Variants in CARMIL1 observed in about 807,000 individuals in gnomAD.
The protein encoded by CARMIL1 is capping protein regulator and myosin 1 linker 1.
A neutral mutation model predicts 177.1 loss-of-function variants in CARMIL1; 90 were observed. That is an observed-to-expected ratio of 0.51 (90% confidence interval 0.43 to 0.61). The LOEUF is 0.61. Among genes scored for constraint, CARMIL1 ranks in the 20% least tolerant of loss-of-function variants. The pLI, the probability that CARMIL1 is intolerant of heterozygous loss-of-function variation, is 0.00. For missense variants in CARMIL1, 1,380 were observed against 1,667.0 expected, an observed-to-expected ratio of 0.83 and a Z score of 3.00; for synonymous variants, 577 against 606.2, an observed-to-expected ratio of 0.95 and a Z score of 0.71.
At chr6:25,444,386 A>T (rs6918354) in intron 5 of CARMIL1, among the ~76,000 whole-genome samples, 117,855 of 148,810 alleles carry the variant, frequency 0.79, 46,829 homozygotes, top group East Asian at 0.86. Flanking sequence ...TTTTTTTTTT[A>T]AATTATATTT....
At chr6:25,553,822 G>A (rs1430350748) in intron 27 of CARMIL1, among the ~76,000 whole-genome samples, 187 bp from the exon 28 acceptor site, 1 of 152,154 alleles carries the variant, frequency 6.6e-6, no homozygotes, top group Non-Finnish European at 1.5e-5. Flanking sequence ...TCTATTACTT[G>A]TGTGTTTATG....
intron 2 of CARMIL1, among the ~76,000 whole-genome samples, chr6:25,337,801 A>G (rs1359517172): frequency 6.6e-6 from 1 of 152,234 alleles, no homozygotes; most frequent in African/African-American, 2.4e-5. Flanking sequence ...TGGACGTGAT[A>G]TAGTGAGGAG....
At chr6:25,368,703 C>T (rs1376169054) in intron 2 of CARMIL1, among the ~76,000 whole-genome samples, 1 of 152,178 alleles carries the variant, frequency 6.6e-6, no homozygotes, top group African/African-American at 2.4e-5. Context: ...CTGGAGTCCT[C>T]TTGTCTACCT....
chr6:25,371,658 A>G (rs1480616006), intron 2 of CARMIL1, among the ~76,000 whole-genome samples: 1 of 152,150 alleles, frequency 6.6e-6, no homozygotes, highest in African/African-American at 2.4e-5. Context: ...GATTGTGGGT[A>G]TTAGTTCTTT....
At chr6:25,377,296 A>G (rs112893414) in intron 2 of CARMIL1, among the ~76,000 whole-genome samples, 4,537 of 152,272 alleles carry the variant, frequency 0.03, 216 homozygotes, top group African/African-American at 0.1. Context: ...TGAGCCAAGC[A>G]TTGCAACTGT....
At chr6:25,318,794 G>T (rs1012897792) in intron 2 of CARMIL1, among the ~76,000 whole-genome samples, 2 of 152,156 alleles carry the variant, frequency 1.3e-5, no homozygotes, top group Admixed American at 1.3e-4. Context: ...CTGTCCTGGG[G>T]GGTCTGGATG....
At chr6:25,371,065 C>A (rs193197966) in intron 2 of CARMIL1, among the ~76,000 whole-genome samples, 1 of 152,264 alleles carries the variant, frequency 6.6e-6, no homozygotes. Flanking sequence ...TGGCCTCCAG[C>A]TCCATCCAAA....
chr6:25,585,945 T>C (rs1291527269), intron 31 of CARMIL1, among the ~76,000 whole-genome samples: 1 of 152,226 alleles, frequency 6.6e-6, no homozygotes. Context: ...TATGTCTACT[T>C]CTTTCTACAC....
intron 22 of CARMIL1, among the ~76,000 whole-genome samples, chr6:25,519,011 G>T (rs1031100974): frequency 6.6e-6 from 1 of 152,134 alleles, no homozygotes; most frequent in African/African-American, 2.4e-5. Context: ...CTTTCTCTTT[G>T]TCTGATTATT....
At chr6:25,321,308 G>A (rs193039980) in intron 2 of CARMIL1, among the ~76,000 whole-genome samples, 6 of 152,320 alleles carry the variant, frequency 3.9e-5, no homozygotes, top group African/African-American at 1.4e-4. Context: ...CTTTGCATTT[G>A]ACTTCTCAGA....
chr6:25,288,206 G>A (rs1334773592), intron 2 of CARMIL1, among the ~76,000 whole-genome samples: 1 of 152,144 alleles, frequency 6.6e-6, no homozygotes, highest in Admixed American at 6.6e-5. Flanking sequence ...CTGGACAAAG[G>A]GAACAGAATA....
chr6:25,435,315 T>A (rs1214225860), intron 4 of CARMIL1, among the ~76,000 whole-genome samples, 168 bp from the exon 5 acceptor site: 1 of 152,210 alleles, frequency 6.6e-6, no homozygotes, highest in Non-Finnish European at 1.5e-5. Flanking sequence ...TGGTTGGGTG[T>A]TCACGCACGT....
intron 2 of CARMIL1, among the ~76,000 whole-genome samples, chr6:25,294,103 A>T (rs1283829415): frequency 2.0e-5 from 3 of 152,294 alleles, no homozygotes; most frequent in Middle Eastern, 3.4e-3. Flanking sequence ...ATATGTGTAG[A>T]TGCACAGGAC....
chr6:25,531,002 G>T (rs879640394), intron 24 of CARMIL1, among the ~76,000 whole-genome samples: 1 of 152,148 alleles, frequency 6.6e-6, no homozygotes, highest in Non-Finnish European at 1.5e-5. Context: ...ATAATGTAAA[G>T]GTAACGAAAC....
At chr6:25,313,753 A>G (rs1459048788) in intron 2 of CARMIL1, among the ~76,000 whole-genome samples, 4 of 150,130 alleles carry the variant, frequency 2.7e-5, no homozygotes, top group Non-Finnish European at 5.9e-5. Flanking sequence ...TAAACTTCCA[A>G]ATAAATGCGT....
intron 10 of CARMIL1, among the ~76,000 whole-genome samples, 177 bp from the exon 11 acceptor site, chr6:25,472,250 G>T (rs886904037): frequency 1.3e-5 from 2 of 152,048 alleles, no homozygotes; most frequent in East Asian, 1.9e-4. Flanking sequence ...TTTTCTGGCT[G>T]TGGCTTTACA....
At position 25,279,768 on chromosome 6, in the gene CARMIL1, C is replaced by G; in HGVS notation, c.-28C>G. 2 of 1,612,976 alleles carry G rather than the reference C, an allele frequency of 1.2e-6. No homozygotes were observed. Among genetic ancestry groups the G allele is most frequent in the Non-Finnish European group, 1.7e-6 (2 of 1,178,978 alleles). ...GGGCCATAAATCAGAGTTGGACCTG[C>G]AATAACCCCCACACCTACAGGGCAA... is the stretch of plus-strand genomic sequence containing the variant. On this transcript the variant is annotated 5_prime_UTR_variant, in exon 1 of 37. Transcript: ENST00000329474.
intron 36 of CARMIL1, among the ~76,000 whole-genome samples, chr6:25,617,265 A>G (rs1006374796): frequency 1.3e-5 from 2 of 152,186 alleles, no homozygotes; most frequent in African/African-American, 4.8e-5. Context: ...TGCCTGTTGT[A>G]ATGACCCTGG....
chr6:25,332,765 A>ACACACG (rs1554165920), intron 2 of CARMIL1, among the ~76,000 whole-genome samples: 17 of 134,628 alleles, frequency 1.3e-4, no homozygotes, highest in African/African-American at 4.7e-4. Flanking sequence ...ACACACACAC[A>ACACACG]CACACACGCG....
Sources: allele counts gnomAD v4.1 joint callset (sites outside exome capture counted in the v4.1 genomes callset), GRCh38; gene constraint gnomAD v4.1.1; transcripts MANE v1.5; gene names NCBI Gene and HGNC (gene_info 2026-07-23, HGNC 2026-07-21).